TMEM71: variants seen among roughly 807,000 people sequenced by gnomAD.
TMEM71 encodes the protein transmembrane protein 71.
A neutral mutation model predicts 38.0 loss-of-function variants in TMEM71; 44 were observed. The ratio of observed to expected loss-of-function variants is 1.16; its 90% confidence interval spans 0.91 to 1.49. TMEM71 has a LOEUF of 1.49. TMEM71 is among the 40% of genes most tolerant of loss of function. The pLI, the probability that TMEM71 is intolerant of heterozygous loss-of-function variation, is 0.00. For missense variants in TMEM71, 367 were observed against 348.6 expected, an observed-to-expected ratio of 1.05 and a Z score of -0.42; for synonymous variants, 133 against 122.5, an observed-to-expected ratio of 1.09 and a Z score of -0.56.
intron 3 of TMEM71, among the ~76,000 whole-genome samples, chr8:132,756,896 A>ATT (rs946946672): frequency 6.7e-6 from 1 of 148,326 alleles, no homozygotes; most frequent in Admixed American, 6.7e-5. Context: ...GCGAAGAATG[A>ATT]TTTTTTTTTT....
In TMEM71 at chr8:132,751,978, C is replaced by G; in HGVS notation, c.121G>C (p.Asp41His). The change falls in exon 4 of 10, where the codon GAT (aspartate) becomes CAT (histidine). Residue 41 changes from aspartate (D) to histidine (H), a missense_variant. Coordinates refer to ENST00000677595, the MANE Select transcript of TMEM71 (RefSeq NM_001382403.1). Reference protein sequence around the residue: ...IFPSFTCDSLDGYHSFECGSI... With the variant: ...IFPSFTCDSLHGYHSFECGSI... ...CCGCATTCAAAAGAATGGTAACCATCCAGGGAATCACAGGTGAAACTAAGA... is the reference window on the plus strand; with the variant it reads ...CCGCATTCAAAAGAATGGTAACCATGCAGGGAATCACAGGTGAAACTAAGA... 1.2e-6 allele frequency: 2 copies of G among 1,614,048 alleles called. No homozygotes were observed. The highest frequency in any genetic ancestry group is 2.2e-5 in the East Asian group (1 of 44,878).
chr8:132,731,370 A>T (rs775801474), intron 5 of TMEM71, among the ~76,000 whole-genome samples: 15 of 152,216 alleles, frequency 9.9e-5, no homozygotes, highest in Non-Finnish European at 2.2e-4. Context: ...TTAAGAATTT[A>T]TCATTCAATA....
chr8:132,728,318 T>G (rs1827266811), intron 5 of TMEM71, among the ~76,000 whole-genome samples: 1 of 152,152 alleles, frequency 6.6e-6, no homozygotes, highest in Non-Finnish European at 1.5e-5. Context: ...ACATCTTACA[T>G]GGATAGTGGC....
downstream of TMEM71, among the ~76,000 whole-genome samples, chr8:132,707,576 T>C (rs1826112219): frequency 6.6e-6 from 1 of 152,058 alleles, no homozygotes; most frequent in Non-Finnish European, 1.5e-5. Context: ...TTGGCCCCTT[T>C]CCTCCCTTTG....
the TMEM71 span, chr8:132,775,433 C>A: frequency 7.8e-6 from 3 of 386,088 alleles, no homozygotes; most frequent in Non-Finnish European, 1.4e-5. Flanking sequence ...GCGATGGCAG[C>A]GGACCCTGAG....
chr8:132,707,758 G>A (rs113480783), downstream of TMEM71, among the ~76,000 whole-genome samples: 8 of 152,282 alleles, frequency 5.3e-5, no homozygotes, highest in African/African-American at 1.9e-4. Flanking sequence ...ACACAAAACA[G>A]ACTAAAACAA....
chr8:132,769,394 G>T, the TMEM71 span, among the ~76,000 whole-genome samples: 2 of 152,278 alleles, frequency 1.3e-5, no homozygotes, highest in East Asian at 3.9e-4. Context: ...CTTTGAATGG[G>T]TATCTAATTT....
chr8:132,749,071 A>AT (rs958193535), intron 4 of TMEM71, among the ~76,000 whole-genome samples: 15 of 151,800 alleles, frequency 9.9e-5, no homozygotes, highest in Middle Eastern at 3.4e-3. Context: ...AATTTATTTT[A>AT]TTTTTTTATA....
chr8:132,757,379 T>C lies in TMEM71; in HGVS notation c.41-85A>G, dbSNP rs11778229. 0.31 allele frequency: 315,889 copies of C among 1,009,686 alleles called. 50,108 individuals carry two copies. The highest frequency in any genetic ancestry group is 0.34 in the Non-Finnish European group (219,959 of 655,806). The allele number at this position is 1,009,686 out of a possible 1,614,324, so 62.5% of individuals were successfully genotyped here. A position where few individuals can be genotyped will look rare whatever the true frequency, so the allele number is the denominator to read the frequency against. On this transcript the variant is annotated intron_variant, in intron 2 of 9. Transcript: ENST00000677595. ...TTGATACATGTATCAATATGTATAA[T>C]TGCAAACAGTGGAGGCATGTAAGAA...
At chr8:132,717,657 T>C (rs1232359906) in intron 7 of TMEM71, among the ~76,000 whole-genome samples, 1 of 152,174 alleles carries the variant, frequency 6.6e-6, no homozygotes, top group Non-Finnish European at 1.5e-5. Flanking sequence ...GAGTGTAAGA[T>C]GGTGCAGTCC....
intron 5 of TMEM71, among the ~76,000 whole-genome samples, chr8:132,746,436 T>C (rs1210010042): frequency 6.3e-5 from 1 of 15,900 alleles, no homozygotes; most frequent in African/African-American, 1.3e-4. Context: ...TACATATATA[T>C]ATACATATAC....
intron 4 of TMEM71, 26 bp from the exon 5 acceptor site, chr8:132,747,140 A>T (rs1828436042): frequency 1.9e-6 from 3 of 1,546,288 alleles, no homozygotes; most frequent in African/African-American, 2.7e-5. Context: ...AGCATGGTGA[A>T]CAACGAATAA....
chr8:132,720,567 G>A (rs1826785403), intron 7 of TMEM71, among the ~76,000 whole-genome samples: 1 of 152,108 alleles, frequency 6.6e-6, no homozygotes, highest in Non-Finnish European at 1.5e-5. Flanking sequence ...CTCCACTTTT[G>A]TTCTTGTGGT....
the TMEM71 span, among the ~76,000 whole-genome samples, chr8:132,772,444 A>G: frequency 5.9e-5 from 9 of 152,174 alleles, no homozygotes; most frequent in African/African-American, 2.2e-4. Context: ...GGACAGATCA[A>G]TGCACGGCTT....
the TMEM71 span, among the ~76,000 whole-genome samples, chr8:132,767,726 T>C: frequency 2.0e-5 from 3 of 152,110 alleles, no homozygotes; most frequent in Non-Finnish European, 4.4e-5. Context: ...CTGCCCGCCT[T>C]GGCCTCCCAA....
chr8:132,727,911 G>A lies in TMEM71; in HGVS notation c.563C>T (p.Ser188Phe). ...GKMNAESVIT[S>F]SSSHIISQPP... The stretch of plus-strand genomic sequence containing the variant: ...CTGAGATATGATGTGGCTGGAAGAG[G>A]AGGTGATCACAGACTCTGCATTCAT... The change falls in exon 6 of 10, where the codon TCC becomes TTC. Residue 188 changes from serine to phenylalanine, a missense_variant. Physicochemically the swap from Ser to Phe is radical, Grantham distance 155 (BLOSUM62 -2). Coordinates refer to ENST00000677595, the MANE Select transcript of TMEM71 (RefSeq NM_001382403.1). 2 of 1,614,142 alleles carry A rather than the reference G, an allele frequency of 1.2e-6. No individual in the cohort carries two copies. The highest frequency in any genetic ancestry group is 1.1e-5 in the South Asian group (1 of 91,082).
intron 5 of TMEM71, among the ~76,000 whole-genome samples, chr8:132,739,873 C>T (rs1296962438): frequency 6.6e-6 from 1 of 152,110 alleles, no homozygotes; most frequent in Non-Finnish European, 1.5e-5. Context: ...ACCTGTAAGA[C>T]GAATCTGGAA....
At chr8:132,747,546 G>A (rs1420321198) in intron 4 of TMEM71, among the ~76,000 whole-genome samples, 1 of 152,220 alleles carries the variant, frequency 6.6e-6, no homozygotes, top group Non-Finnish European at 1.5e-5. Flanking sequence ...CATGCAGCTA[G>A]TAAGTAACAT....
chr8:132,761,830 A>G (rs1231346106), upstream of TMEM71, among the ~76,000 whole-genome samples: 3 of 152,212 alleles, frequency 2.0e-5, no homozygotes, highest in Non-Finnish European at 4.4e-5. Context: ...CCCATGTGTC[A>G]AGGAATCAAG....
Sources: allele counts gnomAD v4.1 joint callset (sites outside exome capture counted in the v4.1 genomes callset), GRCh38; gene constraint gnomAD v4.1.1; transcripts MANE v1.5; gene names NCBI Gene and HGNC (gene_info 2026-07-23, HGNC 2026-07-21).